The following LINGO2 variants were observed in gnomAD, a reference collection of about 807,000 sequenced individuals.
LINGO2 encodes leucine-rich repeat and immunoglobulin-like domain-containing nogo receptor-interacting protein 2.
LINGO2 carries 14 observed loss-of-function variants against 30.6 expected under a neutral mutation model. The ratio of observed to expected loss-of-function variants is 0.46; its 90% CI spans 0.30 to 0.72. LINGO2 has a LOEUF of 0.72. LINGO2 is among the 30% of genes least tolerant of loss of function. LINGO2 has a pLI of 0.07. For synonymous variants in LINGO2, 317 were observed against 288.5 expected (o/e 1.10, Z -1.00); for missense variants, 729 against 751.7 (o/e 0.97, Z 0.35).
At chr9:29,033,639 A>G in the LINGO2 span, among the ~76,000 whole-genome samples, 10 of 151,998 alleles carry the variant, frequency 6.6e-5, no homozygotes, top group African/African-American at 2.2e-4. Flanking sequence ...ATCTTCATAT[A>G]TAAAATAAAA....
chr9:28,673,703 C>CATCATCATG (rs951799973), upstream of LINGO2, among the ~76,000 whole-genome samples: 11 of 151,756 alleles, frequency 7.2e-5, no homozygotes, highest in African/African-American at 2.4e-4. Context: ...TCATCATCAT[C>CATCATCATG]ATAAATATTG....
In LINGO2 at chr9:28,561,072, G is replaced by C. The variant is rs146808861; in HGVS notation, c.-364-85047C>G. Among the ~76,000 whole-genome samples the C allele has an allele frequency of 1.8e-4, 27 of 152,124 alleles. No individual in the cohort carries two copies. The East Asian group carries it at 5.2e-3, about 29-fold the overall frequency. On this transcript the variant is annotated intron_variant, in intron 1 of 5. Coordinates refer to ENST00000379992, the Ensembl canonical transcript of LINGO2. ...AAACAAAATTGCCAGCTCTTCTGTTGAAATTAAAGTGGCAAGTGAGGAAAG... is the reference window on the plus strand; with the variant it reads ...AAACAAAATTGCCAGCTCTTCTGTTCAAATTAAAGTGGCAAGTGAGGAAAG...
At chr9:28,634,488 T>TC (rs1453930706) in intron 1 of LINGO2, among the ~76,000 whole-genome samples, 16 of 140,586 alleles carry the variant, frequency 1.1e-4, no homozygotes, top group Middle Eastern at 7.2e-3. Flanking sequence ...TTTTTTTCTT[T>TC]TTTTTTTTTT....
intron 2 of LINGO2, among the ~76,000 whole-genome samples, chr9:28,395,533 G>A (rs1263715978): frequency 4.0e-5 from 6 of 150,360 alleles, no homozygotes; most frequent in Non-Finnish European, 8.9e-5. Context: ...TAACAGAAGT[G>A]AAAAAAAAAA....
At position 28,512,426 on chromosome 9, in the gene LINGO2, C is replaced by A. The variant is rs574063133; in HGVS notation, c.-364-36401G>T. On this transcript the variant is annotated intron_variant, in intron 1 of 5. Transcript: ENST00000379992. ...ACAGCATCCCTATCTGCCACTGACACCTCAAGCACCATTGGATCTGCTGGG... is the reference window on the plus strand; with the variant it reads ...ACAGCATCCCTATCTGCCACTGACAACTCAAGCACCATTGGATCTGCTGGG... Among the ~76,000 whole-genome samples the A allele has an allele frequency of 1.4e-4, 21 of 151,626 alleles. No individual in the cohort carries two copies. In the East Asian group the frequency reaches 4.0e-3, roughly 29 times the overall value.
At chr9:28,045,615 TTTC>T (rs1261520461) in intron 4 of LINGO2, among the ~76,000 whole-genome samples, 3 of 152,214 alleles carry the variant, frequency 2.0e-5, no homozygotes, top group South Asian at 2.1e-4. Context: ...CCTAGAGGAT[TTTC>T]TTCTTACTCT....
chr9:28,486,518 T>C (rs911463949), intron 1 of LINGO2, among the ~76,000 whole-genome samples: 6 of 152,168 alleles, frequency 3.9e-5, no homozygotes, highest in African/African-American at 1.4e-4. Context: ...CCAAAGAAAG[T>C]ACACATACAT....
At chr9:28,959,740 C>A in the LINGO2 span, among the ~76,000 whole-genome samples, 3 of 151,772 alleles carry the variant, frequency 2.0e-5, no homozygotes, top group Non-Finnish European at 4.4e-5. Flanking sequence ...TGACTGTTTA[C>A]AAATGGCTAC....
At chr9:28,781,261 A>G in the LINGO2 span, among the ~76,000 whole-genome samples, 2 of 152,162 alleles carry the variant, frequency 1.3e-5, no homozygotes, top group Admixed American at 1.3e-4. Context: ...AAATACAGGC[A>G]GTGCAGCCAG....
chr9:28,453,925 C>T (rs989056502), intron 2 of LINGO2, among the ~76,000 whole-genome samples: 1 of 151,956 alleles, frequency 6.6e-6, no homozygotes, highest in Non-Finnish European at 1.5e-5. Context: ...GAATACTGAC[C>T]CATGCCTTTA....
At chr9:28,484,206 C>A in intron 1 of LINGO2, among the ~76,000 whole-genome samples, 1 of 152,020 alleles carries the variant, frequency 6.6e-6, no homozygotes, top group Non-Finnish European at 1.5e-5. Context: ...TAATAAGCGA[C>A]TCAGTTTGTC....
chr9:28,314,634 A>T (rs1824766522), intron 3 of LINGO2, among the ~76,000 whole-genome samples: 1 of 152,186 alleles, frequency 6.6e-6, no homozygotes. Context: ...TTGCTCCATC[A>T]TGTTATTTCA....
At chr9:28,021,818 A>T (rs982055945) in intron 4 of LINGO2, among the ~76,000 whole-genome samples, 1 of 151,836 alleles carries the variant, frequency 6.6e-6, no homozygotes, top group African/African-American at 2.4e-5. Context: ...TAGTAGGAGC[A>T]CAGTAAAATT....
intron 2 of LINGO2, among the ~76,000 whole-genome samples, chr9:28,375,127 CA>C (rs1564159208): frequency 5.2e-5 from 6 of 114,750 alleles, no homozygotes; most frequent in African/African-American, 1.7e-4. Flanking sequence ...CACACACACA[CA>C]CACACATACA....
At chr9:29,065,159 A>T in the LINGO2 span, among the ~76,000 whole-genome samples, 1 of 152,096 alleles carries the variant, frequency 6.6e-6, no homozygotes, top group East Asian at 1.9e-4. Context: ...CTCATTTTTT[A>T]AAAATGGCCA....
chr9:27,996,751 G>C (rs1032193927), intron 5 of LINGO2, among the ~76,000 whole-genome samples: 4 of 152,286 alleles, frequency 2.6e-5, no homozygotes, highest in Admixed American at 2.0e-4. Flanking sequence ...ATAGCTAGAA[G>C]ATTTGCAACA....
At chr9:28,249,203 G>T (rs1822109311) in intron 4 of LINGO2, among the ~76,000 whole-genome samples, 1 of 151,928 alleles carries the variant, frequency 6.6e-6, no homozygotes, top group South Asian at 2.1e-4. Context: ...ATTTATTTTG[G>T]ATCATGAGGC....
the LINGO2 span, among the ~76,000 whole-genome samples, chr9:28,756,589 C>A: frequency 6.6e-6 from 1 of 151,848 alleles, no homozygotes; most frequent in African/African-American, 2.4e-5. Context: ...ATTCTCATTG[C>A]AAATTGTAAT....
At chr9:28,489,245 C>G (rs1003427069) in intron 1 of LINGO2, among the ~76,000 whole-genome samples, 31 of 152,270 alleles carry the variant, frequency 2.0e-4, no homozygotes, top group African/African-American at 7.2e-4. Context: ...CTACAATTCA[C>G]TGCAACCTCC....
Sources: gnomAD v4.1 joint callset for allele counts (sites outside exome capture counted in the v4.1 genomes callset) on GRCh38, gnomAD v4.1.1 for gene constraint, MANE v1.5 for transcripts, NCBI Gene and HGNC (gene_info 2026-07-23, HGNC 2026-07-21) for gene names.